Variants in SHQ1 observed in about 807,000 individuals in gnomAD.
SHQ1 encodes SHQ1, H/ACA ribonucleoprotein assembly factor, also known as protein SHQ1 homolog.
A neutral mutation model predicts 53.8 loss-of-function variants in SHQ1; 49 were observed. The observed-to-expected ratio is 0.91, with a 90% CI of 0.72 to 1.16. The LOEUF (loss-of-function observed/expected upper bound fraction) is 1.16, where lower values mean the gene tolerates loss of function less well. Ranked by LOEUF, SHQ1 falls within the 50% of genes most tolerant of loss-of-function variation. The probability of loss-of-function intolerance (pLI) is 0.00; values close to 1 mark genes in which losing one functional copy is unlikely to be tolerated. For synonymous variants in SHQ1, 243 were observed against 251.0 expected (o/e 0.97, Z 0.30); for missense variants, 738 against 683.1 (o/e 1.08, Z -0.90).
chr3:72,840,384 C>T (rs1404305783), intron 4 of SHQ1, among the ~76,000 whole-genome samples: 1 of 151,538 alleles, frequency 6.6e-6, no homozygotes, highest in Admixed American at 6.6e-5. Flanking sequence ...GGTAAAACCC[C>T]ATCTCCGCAA....
intron 10 of SHQ1, among the ~76,000 whole-genome samples, chr3:72,774,283 T>C (rs1465695200): frequency 6.6e-6 from 1 of 152,062 alleles, no homozygotes; most frequent in East Asian, 1.9e-4. Context: ...ACAGATTAAA[T>C]AGACAAAATA....
intron 8 of SHQ1, among the ~76,000 whole-genome samples, chr3:72,814,024 A>G (rs951815787): frequency 6.6e-6 from 1 of 151,492 alleles, no homozygotes; most frequent in African/African-American, 2.4e-5. Flanking sequence ...GTTTTTTGAT[A>G]AACAAAGTAT....
intron 3 of SHQ1, among the ~76,000 whole-genome samples, chr3:72,841,613 G>A (rs2106959295): frequency 6.6e-6 from 1 of 152,318 alleles, no homozygotes; most frequent in East Asian, 1.9e-4. Flanking sequence ...TGTTGGAAAT[G>A]CTCCATTTCT....
chr3:72,764,153 A>T (rs574489977), intron 10 of SHQ1, among the ~76,000 whole-genome samples: 3 of 151,754 alleles, frequency 2.0e-5, no homozygotes, highest in African/African-American at 7.3e-5. Flanking sequence ...TATGATCACA[A>T]TGTACCCCTG....
chr3:72,761,008 G>A (rs139690809), intron 10 of SHQ1, among the ~76,000 whole-genome samples: 31 of 152,160 alleles, frequency 2.0e-4, no homozygotes, highest in Non-Finnish European at 2.9e-4. Context: ...CGATTCCAAC[G>A]ATTCAACAAC....
chr3:72,841,227 T>A, intron 3 of SHQ1, 28 bp from the exon 4 acceptor site: 1 of 1,579,574 alleles, frequency 6.3e-7, no homozygotes, highest in Admixed American at 1.8e-5. Context: ...TAATTTTTTT[T>A]AAGTATTGGA....
At chr3:72,808,929 G>C (rs1424214402) in intron 9 of SHQ1, among the ~76,000 whole-genome samples, 3 of 152,154 alleles carry the variant, frequency 2.0e-5, no homozygotes, top group Non-Finnish European at 4.4e-5. Flanking sequence ...TTCACCTTCA[G>C]GAGCTTAAGA....
At chr3:72,816,188 T>C (rs1046320852) in intron 7 of SHQ1, among the ~76,000 whole-genome samples, 3 of 152,238 alleles carry the variant, frequency 2.0e-5, no homozygotes, top group African/African-American at 7.2e-5. Flanking sequence ...CTAACTCTAA[T>C]ACCATCCTAG....
At chr3:72,846,295 G>A (rs756612104) in intron 1 of SHQ1, 1 of 1,468,552 alleles carries the variant, frequency 6.8e-7, no homozygotes, top group East Asian at 2.5e-5. Flanking sequence ...CAAACTGTAT[G>A]TTCTTTTTTT....
At chr3:72,833,028 A>G (rs927764125) in intron 4 of SHQ1, among the ~76,000 whole-genome samples, 5 of 152,196 alleles carry the variant, frequency 3.3e-5, no homozygotes, top group Admixed American at 2.6e-4. Context: ...ATACCAGTTA[A>G]GCAGCCCTAT....
chr3:72,813,830 CTTTTT>C (rs931930903), intron 8 of SHQ1, among the ~76,000 whole-genome samples: 6 of 108,204 alleles, frequency 5.5e-5, no homozygotes, highest in Non-Finnish European at 7.4e-5. Context: ...TCCTCTTTTT[CTTTTT>C]TTTTTTTTTT....
intron 10 of SHQ1, among the ~76,000 whole-genome samples, chr3:72,788,099 C>T (rs1706299339): frequency 6.6e-6 from 1 of 152,206 alleles, no homozygotes; most frequent in African/African-American, 2.4e-5. Context: ...CTTGGCCTCC[C>T]AAAGTGCCAA....
chr3:72,792,884 A>G (rs1285274985), intron 10 of SHQ1, 32 bp downstream of exon 10: 1 of 1,602,796 alleles, frequency 6.2e-7, no homozygotes, highest in Non-Finnish European at 8.5e-7. Flanking sequence ...GTGAACATCT[A>G]AAAATTCGTA....
At chr3:72,813,821 CCTCTTT>C in intron 8 of SHQ1, among the ~76,000 whole-genome samples, 1 of 143,716 alleles carries the variant, frequency 7.0e-6, no homozygotes, top group Admixed American at 7.0e-5. Flanking sequence ...AGTTTCCTCT[CCTCTTT>C]TTCTTTTTTT....
intron 10 of SHQ1, chr3:72,772,723 C>A: frequency 1.4e-6 from 1 of 736,216 alleles, no homozygotes; most frequent in Non-Finnish European, 2.5e-6. Context: ...AGATGGAATT[C>A]CTATTGATGC....
chr3:72,730,763 G>C, the SHQ1 span, among the ~76,000 whole-genome samples: 1 of 152,088 alleles, frequency 6.6e-6, no homozygotes, highest in African/African-American at 2.4e-5. Context: ...CCAGCCTCTT[G>C]TCAATGTCAA....
the SHQ1 span, among the ~76,000 whole-genome samples, chr3:72,731,556 C>A: frequency 2.0e-5 from 3 of 150,652 alleles, 1 homozygote; most frequent in Non-Finnish European, 3.0e-5. Flanking sequence ...GGAATGGTGG[C>A]AGGCACCTGT....
the SHQ1 span, among the ~76,000 whole-genome samples, chr3:72,737,869 C>T: frequency 1.3e-5 from 2 of 152,168 alleles, no homozygotes; most frequent in Non-Finnish European, 2.9e-5. Flanking sequence ...ATGAAGTGCA[C>T]CAGAGGCTAC....
chr3:72,810,205 A>G (rs1031599274), intron 9 of SHQ1, among the ~76,000 whole-genome samples: 1 of 152,188 alleles, frequency 6.6e-6, no homozygotes, highest in African/African-American at 2.4e-5. Context: ...TTTGTTAAGC[A>G]CTAAAACAGT....
Sources: allele counts gnomAD v4.1 joint callset (sites outside exome capture counted in the v4.1 genomes callset), GRCh38; gene constraint gnomAD v4.1.1; transcripts MANE v1.5; gene names NCBI Gene and HGNC (gene_info 2026-07-23, HGNC 2026-07-21).